MROH7: variants seen among roughly 807,000 people sequenced by gnomAD.
MROH7 encodes maestro heat-like repeat-containing protein family member 7.
A neutral mutation model predicts 129.2 loss-of-function variants in MROH7; 113 were observed. The observed-to-expected ratio is 0.87, with a 90% confidence interval of 0.75 to 1.02. The LOEUF is 1.02. MROH7 is among the 50% of genes least tolerant of loss of function. The pLI is 0.00. For missense variants in MROH7, 1,601 were observed against 1,671.3 expected (o/e 0.96, Z 0.73); for synonymous variants, 655 against 667.9 (o/e 0.98, Z 0.30).
chr1:54,690,200 C>CT (rs1382548920), intron 15 of MROH7, among the ~76,000 whole-genome samples: 1 of 151,362 alleles, frequency 6.6e-6, no homozygotes, highest in Non-Finnish European at 1.5e-5. Flanking sequence ...AGTTTCAACT[C>CT]TATTTTTTCA....
chr1:54,697,057 A>G (rs914749148), intron 17 of MROH7: 2 of 152,180 alleles, frequency 1.3e-5, no homozygotes, highest in African/African-American at 2.4e-5. Flanking sequence ...GTTGGCTGAC[A>G]TCGTAAAACC....
chr1:54,652,768 G>A, intron 2 of MROH7, 85 bp from the exon 3 acceptor site: 1 of 995,884 alleles, frequency 1.0e-6, no homozygotes, highest in South Asian at 1.9e-5. Flanking sequence ...TCACAGCAAG[G>A]GGCTTTCATC....
In MROH7 at chr1:54,673,694, C is replaced by T. The variant is rs201085043; in HGVS notation, c.1696-7C>T. 15 of 1,608,880 alleles carry T rather than the reference C, an allele frequency of 9.3e-6. No individual in the cohort carries two copies. In the African/African-American group the frequency reaches 1.9e-4, roughly 20 times the overall value. The stretch of plus-strand genomic sequence containing the variant: ...TGTAGTTCTGAGTCTTGCTTTTGAT[C>T]CCACAGGCCCTGGGGCCTTGGATGA... On this transcript the variant is annotated splice_polypyrimidine_tract_variant and splice_region_variant and intron_variant, in intron 8 of 23. Transcript: ENST00000421030.
Position 54,682,806 on chromosome 1 carries a change from G to C in MROH7, c.2520+12G>C, listed in dbSNP as rs777156137. ...TCGTGCCCCTGGCGGTGAGCACCCA[G>C]TCAGCCAGCCCCTATTGCTGCCTGT... On this transcript the variant is annotated intron_variant, in intron 14 of 23. Coordinates refer to ENST00000421030, the MANE Select transcript of MROH7 (RefSeq NM_001039464.4). 7.5e-6 allele frequency: 12 copies of C among 1,607,964 alleles called. No individual in the cohort carries two copies. In the African/African-American group the frequency reaches 1.6e-4, roughly 21 times the overall value.
chr1:54,687,112 C>T (rs769284584), intron 15 of MROH7, among the ~76,000 whole-genome samples: 10 of 152,054 alleles, frequency 6.6e-5, no homozygotes, highest in South Asian at 2.1e-4. Flanking sequence ...CTCGCTCTGT[C>T]GCCCAGGCTG....
chr1:54,706,080 C>A (rs2101241468), intron 21 of MROH7, among the ~76,000 whole-genome samples: 1 of 152,268 alleles, frequency 6.6e-6, no homozygotes, highest in Non-Finnish European at 1.5e-5. Flanking sequence ...TCCAGTTTAT[C>A]CCCATTGCTC....
chr1:54,696,298 G>A (rs1645320966), intron 17 of MROH7, among the ~76,000 whole-genome samples: 1 of 152,084 alleles, frequency 6.6e-6, no homozygotes, highest in Non-Finnish European at 1.5e-5. Context: ...TTTCCTTTTA[G>A]TTTTTAAAAA....
intron 7 of MROH7, among the ~76,000 whole-genome samples, chr1:54,671,204 G>A (rs892895551): frequency 7.9e-5 from 12 of 151,866 alleles, no homozygotes; most frequent in Admixed American, 6.6e-5. Context: ...TGGCTAACAC[G>A]GTGAATCCCC....
chr1:54,646,158 G>A (rs1189371997), intron 1 of MROH7, among the ~76,000 whole-genome samples: 1 of 152,192 alleles, frequency 6.6e-6, no homozygotes, highest in Non-Finnish European at 1.5e-5. Flanking sequence ...GTGGGTGGGG[G>A]AGGCCAGAAG....
intron 14 of MROH7, 99 bp from the exon 15 acceptor site, chr1:54,686,159 G>A: frequency 9.0e-7 from 1 of 1,117,176 alleles, no homozygotes; most frequent in Non-Finnish European, 1.3e-6. Context: ...GGACAGCAAA[G>A]ACCCAGATCC....
intron 1 of MROH7, among the ~76,000 whole-genome samples, chr1:54,647,530 A>C (rs1644485223): frequency 3.3e-5 from 5 of 152,162 alleles, no homozygotes; most frequent in Admixed American, 3.3e-4. Flanking sequence ...ACCTGAGGTC[A>C]GGAGTTCGAG....
At chr1:54,664,467 T>A (rs1467728641) in intron 3 of MROH7, among the ~76,000 whole-genome samples, 1 of 152,150 alleles carries the variant, frequency 6.6e-6, no homozygotes, top group Non-Finnish European at 1.5e-5. Context: ...TGGCGAGCAG[T>A]GGCCCGGGTA....
intron 4 of MROH7, among the ~76,000 whole-genome samples, chr1:54,666,224 C>T (rs658823): frequency 0.81 from 122,547 of 152,096 alleles, 49,817 homozygotes; most frequent in East Asian, 1. Flanking sequence ...CTCTGAAGGT[C>T]TGCTGAAAAA....
chr1:54,675,819 A>C (rs1338314408), intron 10 of MROH7, among the ~76,000 whole-genome samples: 1 of 151,228 alleles, frequency 6.6e-6, no homozygotes, highest in Non-Finnish European at 1.5e-5. Context: ...CCAAAAATAC[A>C]AAAAAAATAC....
rs375938658 is a variant in MROH7 at position 54,685,846 on chromosome 1, G to A, written c.2521-412G>A. On this transcript the variant is annotated intron_variant, in intron 14 of 23. Coordinates refer to ENST00000421030, the MANE Select transcript of MROH7 (RefSeq NM_001039464.4). ...GAAGAGGCACAGCACGCTATAGTTGGTATCAGAAAACCTGGGTTCAAGTTC... is the reference window on the plus strand; with the variant it reads ...GAAGAGGCACAGCACGCTATAGTTGATATCAGAAAACCTGGGTTCAAGTTC... 1.2e-4 allele frequency among the ~76,000 whole-genome samples: 18 copies of A among 152,170 alleles called. No homozygotes were observed. The South Asian group carries it at 3.5e-3, about 30-fold the overall frequency.
Position 54,702,117 on chromosome 1 carries a change from A to C in MROH7, c.3313A>C (p.Ile1105Leu). The C allele has an allele frequency of 6.2e-7, 1 of 1,609,398 alleles. No individual in the cohort carries two copies. Among genetic ancestry groups the C allele is most frequent in the Non-Finnish European group, 8.5e-7 (1 of 1,177,568 alleles). Residue 1105 changes from isoleucine to leucine, a missense_variant, in exon 20 of 24, where the codon ATC becomes CTC. Physicochemically the swap from Ile to Leu is conservative, Grantham distance 5. Coordinates refer to ENST00000421030, the MANE Select transcript of MROH7 (RefSeq NM_001039464.4). Reference protein sequence around the residue: ...DAREVVRSSCINLYGKVVQKL... With the variant: ...DAREVVRSSCLNLYGKVVQKL... ...ACGAGAGGTCGTGCGCTCCTCCTGC[A>C]TCAACCTGTATGGGAAGGTGGTCCA...
chr1:54,710,066 T>A lies in MROH7; in HGVS notation c.3851T>A (p.Val1284Glu), dbSNP rs1337285239. ...TGGCTGCCGCACGGGAACTCATGGGTGTGTTACTCAGCCACCACCCACCGC... is the reference window on the plus strand; with the variant it reads ...TGGCTGCCGCACGGGAACTCATGGGAGTGTTACTCAGCCACCACCCACCGC... ...NSWLPHGNSWVCYSATTHRWS... is the reference protein window; with the variant it reads ...NSWLPHGNSWECYSATTHRWS... The change falls in exon 24 of 24, where the codon GTG becomes GAG. Residue 1284 changes from valine (V) to glutamate (E), a missense_variant. By Grantham distance (121) the Val-to-Glu change is moderately radical. Transcript: ENST00000421030. 1 of 1,613,836 alleles carries A rather than the reference T, an allele frequency of 6.2e-7. No homozygotes were observed. The highest frequency in any genetic ancestry group is 1.3e-5 in the African/African-American group (1 of 74,848).
At position 54,642,622 on chromosome 1, in the gene MROH7, A is replaced by G. The variant is rs576826408; in HGVS notation, c.-110+654A>G. On this transcript the variant is annotated intron_variant, in intron 1 of 23. Transcript: ENST00000421030. ...CTTGGGAATTAGTAGAAATCAATTT[A>G]TTTTATTTTTTGAGACAGAGTCTCT... Among the ~76,000 whole-genome samples, 6 of 152,084 alleles carry G rather than the reference A, an allele frequency of 3.9e-5. No individual in the cohort carries two copies. The East Asian group carries it at 1.2e-3, about 29-fold the overall frequency.
In MROH7 at chr1:54,673,100, C is replaced by T. The variant is rs1644927053; in HGVS notation, c.1609C>T (p.His537Tyr). ...CTCCTCCCATCCACAGGCTCTTTAC[C>T]ATCAGACCCTGGAGGCCCTGCAGAC... is the stretch of plus-strand genomic sequence containing the variant. ...AKAETIQALY[H>Y]QTLEALQTLL... Residue 537 changes from histidine to tyrosine, a missense_variant, in exon 8 of 24, where the codon CAT (histidine) becomes TAT (tyrosine). Coordinates refer to ENST00000421030, the MANE Select transcript of MROH7 (RefSeq NM_001039464.4). 4 of 1,613,262 alleles carry T rather than the reference C, an allele frequency of 2.5e-6. No individual in the cohort carries two copies. The highest frequency in any genetic ancestry group is 3.4e-6 in the Non-Finnish European group (4 of 1,179,322).
Sources: allele counts gnomAD v4.1 joint callset (sites outside exome capture counted in the v4.1 genomes callset), GRCh38; gene constraint gnomAD v4.1.1; transcripts MANE v1.5; gene names NCBI Gene and HGNC (gene_info 2026-07-23, HGNC 2026-07-21).